SCART1: variants seen among roughly 807,000 people sequenced by gnomAD.
The protein encoded by SCART1 is scavenger receptor family member expressed on T cells 1.
SCART1 carries 62 observed loss-of-function variants against 36.2 expected under a neutral mutation model. That is an observed-to-expected ratio of 1.71 (90% CI 1.40 to 2.12). The LOEUF (loss-of-function observed/expected upper bound fraction) is 2.12, where lower values mean the gene tolerates loss of function less well. SCART1 is among the 30% of genes most tolerant of loss of function. The pLI is 0.00. For synonymous variants in SCART1, 487 were observed against 238.7 expected (o/e 2.04, Z -9.59); for missense variants, 1,041 against 540.5 (o/e 1.93, Z -9.18).
exon 9 of SCART1, chr10:133,465,565 G>A (rs1850756166): frequency 3.5e-6 from 2 of 571,996 alleles, no homozygotes; most frequent in African/African-American, 1.9e-5. Context: ...GCGCTGCTGG[G>A]GTGAGTGGGG....
intron 6 of SCART1, among the ~76,000 whole-genome samples, chr10:133,464,056 G>T (rs1850734240): frequency 6.6e-6 from 1 of 151,986 alleles, no homozygotes; most frequent in Non-Finnish European, 1.5e-5. Flanking sequence ...CCATTTATGA[G>T]TGAGAACATG....
Position 133,454,031 on chromosome 10 carries a change from C to T in SCART1, c.34C>T (p.Pro12Ser), listed in dbSNP as rs1287603072. The T allele has an allele frequency of 7.1e-6, 5 of 702,700 alleles. No homozygotes were observed. The East Asian group carries it at 1.3e-4, about 19-fold the overall frequency. 43.5% of individuals were successfully genotyped at this position (702,700 alleles called of 1,614,324 possible). A position where few individuals can be genotyped will look rare whatever the true frequency, so the allele number is the denominator to read the frequency against. The stretch of plus-strand genomic sequence containing the variant: ...AGCTCTCTGGACCCTGGGACTCGGG[C>T]CCCTTCTTCTGAATCTCTGGGCAGT... Residue 12 changes from proline (P) to serine (S), a missense_variant, in exon 1 of 12, where the codon CCC (proline) becomes TCC (serine). By Grantham distance (74) the Pro-to-Ser change is moderately conservative. Transcript: ENST00000640237.
At chr10:133,454,483 C>T (rs1458155585) in intron 1 of SCART1, among the ~76,000 whole-genome samples, 1 of 152,094 alleles carries the variant, frequency 6.6e-6, no homozygotes, top group East Asian at 1.9e-4. Context: ...CATGGGGTCC[C>T]ATGGAGATGC....
intron 6 of SCART1, chr10:133,464,265 G>A (rs893855120): frequency 2.8e-5 from 9 of 317,986 alleles, no homozygotes; most frequent in African/African-American, 1.9e-4. Context: ...TAGTGCTGCG[G>A]TGAACCTGGG....
At chr10:133,455,712 CGGTATGGGTGG>C (rs1171219722) in intron 1 of SCART1, among the ~76,000 whole-genome samples, 3 of 151,456 alleles carry the variant, frequency 2.0e-5, no homozygotes, top group Non-Finnish European at 2.9e-5. Flanking sequence ...GCCTGGAAGC[CGGTATGGGTGG>C]GGTAGTGGGG....
In SCART1 at chr10:133,467,179, C is replaced by A; in HGVS notation, c.2807-19C>A. 1.5e-6 allele frequency: 1 copy of A among 682,656 alleles called. No homozygotes were observed. Among genetic ancestry groups the A allele is most frequent in the South Asian group, 1.6e-5 (1 of 62,886 alleles). 42.3% of individuals were successfully genotyped at this position (682,656 alleles called of 1,614,324 possible). On this transcript the variant is annotated intron_variant, in intron 10 of 11. Transcript: ENST00000640237. The stretch of plus-strand genomic sequence containing the variant: ...TCCACACTGAGGGCCTGTGTGTGAC[C>A]ATGCTCACCTTGCCTCAGGTCTGGG...
At position 133,464,603 on chromosome 10, in the gene SCART1, C is replaced by T. The variant is rs893913496; in HGVS notation, c.1970-3C>T. 1.6e-5 allele frequency: 10 copies of T among 644,052 alleles called. No individual in the cohort carries two copies. In the East Asian group the frequency reaches 2.7e-4, roughly 18 times the overall value. The allele number at this position is 644,052 out of a possible 1,614,324, so 39.9% of individuals were successfully genotyped here. A position where few individuals can be genotyped will look rare whatever the true frequency, so the allele number is the denominator to read the frequency against. On this transcript the variant is annotated splice_polypyrimidine_tract_variant and splice_region_variant and intron_variant, in intron 6 of 11. Coordinates refer to ENST00000640237, the Ensembl canonical transcript of SCART1. ...CCCTGGCCTGACTGTGCTTGCCTTG[C>T]AGAGTCGGTGGCTCTGAGGCTGCGA...
exon 6 of SCART1, chr10:133,459,620 G>C: frequency 1.5e-6 from 1 of 674,716 alleles, no homozygotes; most frequent in Non-Finnish European, 2.7e-6. Flanking sequence ...TGGTGTGCCG[G>C]CAACTCGGGT....
chr10:133,467,612 G>T (rs1262958893), intron 11 of SCART1, among the ~76,000 whole-genome samples: 4 of 152,150 alleles, frequency 2.6e-5, no homozygotes, highest in Non-Finnish European at 5.9e-5. Context: ...GCTGGGAGCC[G>T]CGGGTCTGGC....
In SCART1 at chr10:133,459,059, C is replaced by G. The variant is rs572224012; in HGVS notation, c.1018C>G (p.Arg340Gly). 4.3e-6 allele frequency: 3 copies of G among 699,790 alleles called. No individual in the cohort carries two copies. In the East Asian group the frequency reaches 8.1e-5, roughly 19 times the overall value. 43.3% of individuals were successfully genotyped at this position (699,790 alleles called of 1,614,324 possible). A position where few individuals can be genotyped will look rare whatever the true frequency, so the allele number is the denominator to read the frequency against. The stretch of plus-strand genomic sequence containing the variant: ...CAACGGCAGCAGCAGCTGTGAGGGC[C>G]GCGTGGAGTTCCAGGTGCAGGGGTC... The change falls in exon 5 of 12, where the codon CGC becomes GGC. Residue 340 changes from arginine (R) to glycine (G), a missense_variant. Coordinates refer to ENST00000640237, the Ensembl canonical transcript of SCART1.
At chr10:133,459,889 G>A in exon 6 of SCART1, 3 of 548,032 alleles carry the variant, frequency 5.5e-6, no homozygotes, top group Admixed American at 7.3e-5. Context: ...GAGCCTCAGG[G>A]TGCGGCTGGC....
At chr10:133,467,124 A>C in intron 10 of SCART1, 74 bp from the exon 11 acceptor site, 1 of 570,690 alleles carries the variant, frequency 1.8e-6, no homozygotes, top group Non-Finnish European at 3.2e-6. Context: ...TCCTGCCTGG[A>C]GTTGCTGTCC....
chr10:133,459,120 C>A (rs1850661373), exon 5 of SCART1: 3 of 702,506 alleles, frequency 4.3e-6, no homozygotes, highest in Non-Finnish European at 7.8e-6. Flanking sequence ...TGGGACATAG[C>A]AGATGCCACC....
At chr10:133,464,739 G>C in exon 7 of SCART1, 1 of 693,258 alleles carries the variant, frequency 1.4e-6, no homozygotes, top group Non-Finnish European at 2.6e-6. Context: ...TCTGCAAGCA[G>C]CTGGGGTGTG....
chr10:133,457,380 C>G lies in SCART1; in HGVS notation c.487C>G (p.His163Asp), dbSNP rs1287334548. 8.5e-6 allele frequency: 6 copies of G among 701,916 alleles called. No homozygotes were observed. The South Asian group carries it at 8.9e-5, about 10-fold the overall frequency. The allele number at this position is 701,916 out of a possible 1,614,324, so 43.5% of individuals were successfully genotyped here. ...TGGGGTGGACCGCCTCTGTGTCCTG[C>G]ATGTGGAGGAGGCCATGGTGTTCTG... The change falls in exon 3 of 12, where the codon CAT becomes GAT. Residue 163 changes from histidine (H) to aspartate (D), a missense_variant. His to Asp is a moderately conservative substitution (Grantham distance 81, BLOSUM62 -1). Transcript: ENST00000640237.
chr10:133,467,028 G>T, intron 10 of SCART1, 170 bp from the exon 11 acceptor site: 1 of 529,084 alleles, frequency 1.9e-6, no homozygotes, highest in Middle Eastern at 4.9e-4. Flanking sequence ...GGCCAGGGAT[G>T]GGAGGGCACT....
At chr10:133,462,854 G>A (rs961106576) in intron 6 of SCART1, among the ~76,000 whole-genome samples, 5 of 152,340 alleles carry the variant, frequency 3.3e-5, no homozygotes, top group East Asian at 1.9e-4. Context: ...AGCCAGCCGC[G>A]ATTCAAGGAC....
At chr10:133,457,768 T>C in intron 3 of SCART1, 193 bp downstream of exon 3, 4 of 558,326 alleles carry the variant, frequency 7.2e-6, no homozygotes, top group Middle Eastern at 4.6e-4. Context: ...GAGTTTCTGG[T>C]GGCCCCACAG....
downstream of SCART1, among the ~76,000 whole-genome samples, chr10:133,469,675 C>T (rs193193861): frequency 5.9e-5 from 9 of 152,030 alleles, no homozygotes; most frequent in Non-Finnish European, 7.4e-5. Context: ...CAAACCACCA[C>T]GACACGTGTA....
Sources: gnomAD v4.1 joint callset for allele counts (sites outside exome capture counted in the v4.1 genomes callset) on GRCh38, gnomAD v4.1.1 for gene constraint, MANE v1.5 for transcripts, NCBI Gene and HGNC (gene_info 2026-07-23, HGNC 2026-07-21) for gene names.